Variants in HIPK2 observed in about 807,000 individuals in gnomAD.
HIPK2 encodes homeodomain interacting protein kinase 2.
A neutral mutation model predicts 113.7 loss-of-function variants in HIPK2; 27 were observed. The observed-to-expected ratio is 0.24, with a 90% confidence interval of 0.17 to 0.33. The LOEUF is 0.33. HIPK2 is among the 10% of genes least tolerant of loss of function. The pLI is 1.00. For synonymous variants in HIPK2, 631 were observed against 642.2 expected (o/e 0.98, Z 0.26); for missense variants, 1,257 against 1,588.0 (o/e 0.79, Z 3.54).
intron 1 of HIPK2, among the ~76,000 whole-genome samples, chr7:139,736,120 T>C (rs370679601): frequency 1.2e-3 from 184 of 151,560 alleles, no homozygotes; most frequent in African/African-American, 4.3e-3. Flanking sequence ...GAGTGGGAAA[T>C]GAAAGCATGT....
At chr7:139,709,259 C>A (rs922980305) in intron 2 of HIPK2, among the ~76,000 whole-genome samples, 1 of 152,200 alleles carries the variant, frequency 6.6e-6, no homozygotes, top group African/African-American at 2.4e-5. Context: ...CTAGAACCTT[C>A]TCCTGTTGTT....
At chr7:139,619,972 G>A (rs1800179176) in intron 7 of HIPK2, among the ~76,000 whole-genome samples, 1 of 152,062 alleles carries the variant, frequency 6.6e-6, no homozygotes, top group South Asian at 2.1e-4. Context: ...GTGTTGCCCA[G>A]GCTACTCTTG....
chr7:139,563,720 C>T lies in HIPK2; in HGVS notation c.*9207G>A, dbSNP rs374153841. ...AAACTATTTTACAGTAACATTTCCA[C>T]CAAAAGACTGTCCTAAGAACACGCT... is the stretch of plus-strand genomic sequence containing the variant. On this transcript the variant is annotated 3_prime_UTR_variant, in exon 15 of 15. Coordinates refer to ENST00000406875, the MANE Select transcript of HIPK2 (RefSeq NM_022740.5). The T allele has an allele frequency of 5.0e-6, 2 of 397,644 alleles. No individual in the cohort carries two copies. Among genetic ancestry groups the T allele is most frequent in the African/African-American group, 2.1e-5 (1 of 48,598 alleles). 24.6% of individuals were successfully genotyped at this position (397,644 alleles called of 1,614,324 possible).
chr7:139,767,154 C>G (rs1242281802), intron 1 of HIPK2, among the ~76,000 whole-genome samples: 9 of 152,224 alleles, frequency 5.9e-5, no homozygotes, highest in African/African-American at 2.2e-4. Flanking sequence ...TCTGAATGTA[C>G]TCTTCCAAAA....
chr7:139,726,382 T>G (rs773678652), intron 1 of HIPK2, among the ~76,000 whole-genome samples: 1 of 151,722 alleles, frequency 6.6e-6, no homozygotes. Flanking sequence ...TGCTGACAGA[T>G]GAGATGTGAG....
chr7:139,626,107 CTTTT>C (rs545931727), intron 6 of HIPK2, among the ~76,000 whole-genome samples: 1 of 143,742 alleles, frequency 7.0e-6, no homozygotes. Context: ...TTTTTCTTTC[CTTTT>C]TTTTTTTTTG....
At chr7:139,663,689 C>T (rs938001059) in intron 2 of HIPK2, among the ~76,000 whole-genome samples, 1 of 152,180 alleles carries the variant, frequency 6.6e-6, no homozygotes, top group African/African-American at 2.4e-5. Flanking sequence ...GCTTTTGAGA[C>T]ATTAGAAACA....
intron 2 of HIPK2, among the ~76,000 whole-genome samples, chr7:139,645,567 C>T (rs1277092977): frequency 6.6e-6 from 1 of 152,172 alleles, no homozygotes; most frequent in African/African-American, 2.4e-5. Context: ...ACCTAAGCAA[C>T]TTTCCAAATA....
At chr7:139,668,245 AT>A (rs1317050707) in intron 2 of HIPK2, among the ~76,000 whole-genome samples, 2 of 151,916 alleles carry the variant, frequency 1.3e-5, no homozygotes, top group African/African-American at 4.8e-5. Flanking sequence ...AGTATAATTA[AT>A]GTGAAATGCT....
chr7:139,615,267 CAGG>C (rs948934613), intron 7 of HIPK2, among the ~76,000 whole-genome samples: 11 of 152,310 alleles, frequency 7.2e-5, no homozygotes, highest in African/African-American at 1.9e-4. Flanking sequence ...TAGAGAAGTA[CAGG>C]AGATGTATGC....
At chr7:139,775,389 G>C (rs1185373672) in intron 1 of HIPK2, among the ~76,000 whole-genome samples, 1 of 152,180 alleles carries the variant, frequency 6.6e-6, no homozygotes, top group African/African-American at 2.4e-5. Flanking sequence ...GTCTGTTTTA[G>C]AGCATGTCCA....
At position 139,623,276 on chromosome 7, in the gene HIPK2, C is replaced by T. The variant is rs189845715; in HGVS notation, c.1620-2713G>A. Reference sequence around the variant, plus strand: ...CTGTAATCCCAGCACTTTGGGAGGCCGAGGCGGGCAGATCACCTGAGGTCA... The same window carrying T: ...CTGTAATCCCAGCACTTTGGGAGGCTGAGGCGGGCAGATCACCTGAGGTCA... On this transcript the variant is annotated intron_variant, in intron 6 of 14. Transcript: ENST00000406875. Among the ~76,000 whole-genome samples the T allele has an allele frequency of 2.7e-3, 416 of 152,128 alleles. 1 individual carries two copies. The highest frequency in any genetic ancestry group is 4.4e-3 in the Non-Finnish European group (302 of 67,984).
chr7:139,623,330 G>T (rs6954010), intron 6 of HIPK2, among the ~76,000 whole-genome samples: 1 of 151,790 alleles, frequency 6.6e-6, no homozygotes, highest in African/African-American at 2.4e-5. Flanking sequence ...GGCCAACATG[G>T]GGAAACCCTG....
In HIPK2 at chr7:139,777,641, C is replaced by T; in HGVS notation, c.-18G>A. The T allele has an allele frequency of 9.3e-7, 1 of 1,080,780 alleles. No homozygotes were observed. The highest frequency in any genetic ancestry group is 5.4e-5 in the Admixed American group (1 of 18,526). 66.9% of individuals were successfully genotyped at this position (1,080,780 alleles called of 1,614,324 possible). A position where few individuals can be genotyped will look rare whatever the true frequency, so the allele number is the denominator to read the frequency against. ...GGGGCCATCGGGGCCGGGGTGTCCG[C>T]GGTTCATGGCAACGGGGACGGGAAA... On this transcript the variant is annotated 5_prime_UTR_variant, in exon 1 of 15. Transcript: ENST00000406875.
Position 139,573,131 on chromosome 7 carries a change from C to T in HIPK2, c.3393G>A (p.Val1131=). Residue 1131 remains valine, a synonymous_variant, in exon 15 of 15, where the codon GTG becomes GTA. Coordinates refer to ENST00000406875, the MANE Select transcript of HIPK2 (RefSeq NM_022740.5). ...TGCTGGCTGGGTAGGCAGTGTGCTG[C>T]ACGGTGTGGCGCGCAGAGCCTTGCG... ...VASQGSARHT[V]QHTAYPASIV... is the part of the protein sequence containing the mutation. The T allele has an allele frequency of 6.2e-7, 1 of 1,611,666 alleles. No individual in the cohort carries two copies. The highest frequency in any genetic ancestry group is 8.5e-7 in the Non-Finnish European group (1 of 1,179,300).
intron 1 of HIPK2, among the ~76,000 whole-genome samples, chr7:139,771,636 G>T (rs952930706): frequency 6.6e-6 from 1 of 152,094 alleles, no homozygotes; most frequent in African/African-American, 2.4e-5. Context: ...GCCCTCCAGG[G>T]GTTCACGATG....
intron 2 of HIPK2, among the ~76,000 whole-genome samples, chr7:139,672,242 G>C (rs1270913926): frequency 6.6e-6 from 1 of 152,146 alleles, no homozygotes; most frequent in Non-Finnish European, 1.5e-5. Context: ...AAGATAAGTA[G>C]AATTGATTAG....
chr7:139,684,568 A>G (rs1002591363), intron 2 of HIPK2, among the ~76,000 whole-genome samples: 1 of 152,168 alleles, frequency 6.6e-6, no homozygotes, highest in Non-Finnish European at 1.5e-5. Flanking sequence ...AAAATATTTT[A>G]AAAAATTAGC....
intron 1 of HIPK2, among the ~76,000 whole-genome samples, chr7:139,721,251 T>C (rs1039850504): frequency 6.6e-6 from 1 of 152,254 alleles, no homozygotes; most frequent in African/African-American, 2.4e-5. Flanking sequence ...TTAAAGTCTT[T>C]AACAGTAATA....
Sources: gnomAD v4.1 joint callset for allele counts (sites outside exome capture counted in the v4.1 genomes callset) on GRCh38, gnomAD v4.1.1 for gene constraint, MANE v1.5 for transcripts, NCBI Gene and HGNC (gene_info 2026-07-23, HGNC 2026-07-21) for gene names.